TBXAS1: variants seen among roughly 807,000 people sequenced by gnomAD.
TBXAS1 encodes the protein thromboxane A synthase 1.
TBXAS1 carries 48 observed loss-of-function variants against 60.7 expected under a neutral mutation model. That is an observed-to-expected ratio of 0.79 (90% confidence interval 0.63 to 1.01). The LOEUF (loss-of-function observed/expected upper bound fraction) is 1.01. Ranked by LOEUF, TBXAS1 falls within the 50% of genes least tolerant of loss-of-function variation. The pLI is 0.00. For missense variants in TBXAS1, 685 were observed against 686.3 expected (o/e 1.00, Z 0.02); for synonymous variants, 287 against 269.7 (o/e 1.06, Z -0.63).
Position 140,008,519 on chromosome 7 carries a change from C to T in TBXAS1, c.1226+1337C>T, listed in dbSNP as rs139230791. Among the ~76,000 whole-genome samples the T allele has an allele frequency of 3.3e-3, 476 of 146,456 alleles. 3 individuals carry two copies. The highest frequency in any genetic ancestry group is 0.012 in the African/African-American group (456 of 39,538). Reference sequence around the variant, plus strand: ...CTGGAGGGCAATGGTGTGATCTTGGCTCACTGAAACTTCTGCCTCTTGGGT... The same window carrying T: ...CTGGAGGGCAATGGTGTGATCTTGGTTCACTGAAACTTCTGCCTCTTGGGT... On this transcript the variant is annotated intron_variant, in intron 10 of 12. Transcript: ENST00000448866.
At chr7:139,951,580 A>C (rs1263935845) in intron 5 of TBXAS1, among the ~76,000 whole-genome samples, 4 of 98,154 alleles carry the variant, frequency 4.1e-5, no homozygotes, top group Non-Finnish European at 1.9e-5. Flanking sequence ...ACATGGTGGA[A>C]TCCCGTCTCT....
intron 3 of TBXAS1, among the ~76,000 whole-genome samples, chr7:139,904,441 T>C (rs1804815505): frequency 2.0e-5 from 3 of 151,090 alleles, no homozygotes; most frequent in African/African-American, 7.4e-5. Flanking sequence ...TCTTTTTTGG[T>C]TCCATATGCA....
At chr7:139,782,805 C>G (rs531291841) in intron 3 of TBXAS1, 135 of 152,292 alleles carry the variant, frequency 8.9e-4, no homozygotes, top group African/African-American at 3.1e-3. Flanking sequence ...CTATTTTCCT[C>G]TCTTTCTGAC....
intron 3 of TBXAS1, among the ~76,000 whole-genome samples, chr7:139,889,692 A>G (rs1328327401): frequency 6.6e-6 from 1 of 152,086 alleles, no homozygotes; most frequent in Admixed American, 6.5e-5. Context: ...TTCTCACTGC[A>G]CCCTCCCGTG....
In TBXAS1 at chr7:140,008,517, G is replaced by T. The variant is rs565152028; in HGVS notation, c.1226+1335G>T. On this transcript the variant is annotated intron_variant, in intron 10 of 12. Transcript: ENST00000448866. ...GGCTGGAGGGCAATGGTGTGATCTT[G>T]GCTCACTGAAACTTCTGCCTCTTGG... 3.5e-5 allele frequency among the ~76,000 whole-genome samples: 5 copies of T among 142,150 alleles called. No individual in the cohort carries two copies. The East Asian group carries it at 8.5e-4, about 24-fold the overall frequency. 93.3% of individuals were successfully genotyped at this position (142,150 alleles called of 152,430 possible).
At chr7:139,953,581 C>A in intron 6 of TBXAS1, 125 bp downstream of exon 6, 1 of 868,974 alleles carries the variant, frequency 1.2e-6, no homozygotes, top group Non-Finnish European at 1.9e-6. Flanking sequence ...CTCATAAAAG[C>A]ATGGATGGAC....
At chr7:139,993,394 CTG>C (rs1813064117) in intron 9 of TBXAS1, among the ~76,000 whole-genome samples, 1 of 152,212 alleles carries the variant, frequency 6.6e-6, no homozygotes, top group Non-Finnish European at 1.5e-5. Context: ...CAAGCCTACA[CTG>C]CCCAATTGTA....
chr7:139,805,682 CTTTCTTTCTTTCTTTCTTTCTTTCTT>C (rs1569492461), intron 4 of TBXAS1, among the ~76,000 whole-genome samples: 1 of 25,076 alleles, frequency 4.0e-5, no homozygotes, highest in Non-Finnish European at 6.7e-5. Context: ...TTCTTTCTTT[CTTTCTTTCTTTCTTTCTTTCTTTCTT>C]TCTTTCTCTC....
chr7:139,976,264 C>T (rs576717769), intron 9 of TBXAS1, among the ~76,000 whole-genome samples: 1 of 152,352 alleles, frequency 6.6e-6, no homozygotes, highest in Middle Eastern at 3.4e-3. Flanking sequence ...CAGCTCTTCA[C>T]TGCTGCCCAG....
chr7:139,965,859 TTTC>T (rs1810746693), intron 9 of TBXAS1, among the ~76,000 whole-genome samples: 1 of 152,002 alleles, frequency 6.6e-6, no homozygotes, highest in Non-Finnish European at 1.5e-5. Flanking sequence ...CTTTTTTTCT[TTTC>T]TTTCTTTCCT....
At chr7:139,967,297 T>A (rs1435727510) in intron 9 of TBXAS1, among the ~76,000 whole-genome samples, 1 of 152,230 alleles carries the variant, frequency 6.6e-6, no homozygotes, top group Non-Finnish European at 1.5e-5. Flanking sequence ...AGAGGGCACA[T>A]CAGCAATTCT....
At chr7:139,960,750 A>G (rs6965495) in intron 8 of TBXAS1, among the ~76,000 whole-genome samples, 3,871 of 151,404 alleles carry the variant, frequency 0.026, 73 homozygotes, top group Middle Eastern at 0.061. Flanking sequence ...AAAAAAAAAG[A>G]TGAAATCAGA....
At chr7:139,863,660 C>T (rs1037419285) in intron 1 of TBXAS1, among the ~76,000 whole-genome samples, 5 of 152,010 alleles carry the variant, frequency 3.3e-5, no homozygotes, top group African/African-American at 7.2e-5. Context: ...GCTTTAAATG[C>T]GTTCATTGAA....
At chr7:139,818,050 T>C (rs908127524) in intron 4 of TBXAS1, among the ~76,000 whole-genome samples, 4 of 152,198 alleles carry the variant, frequency 2.6e-5, no homozygotes, top group Admixed American at 6.5e-5. Context: ...TGGGGATACA[T>C]TGTTGAACCA....
At chr7:139,985,902 C>T (rs137973454) in intron 9 of TBXAS1, among the ~76,000 whole-genome samples, 3 of 152,344 alleles carry the variant, frequency 2.0e-5, no homozygotes, top group Non-Finnish European at 4.4e-5. Context: ...CCATCGGGGG[C>T]CTAGAACTGA....
intron 8 of TBXAS1, among the ~76,000 whole-genome samples, chr7:139,959,824 TG>T (rs1245533109): frequency 6.6e-6 from 1 of 152,250 alleles, no homozygotes; most frequent in South Asian, 2.1e-4. Flanking sequence ...CTGAGAGGTC[TG>T]GGGGTGCTCT....
At chr7:139,913,882 A>G (rs1035643518) in intron 4 of TBXAS1, 1 of 152,646 alleles carries the variant, frequency 6.6e-6, no homozygotes, top group Non-Finnish European at 1.5e-5. Flanking sequence ...TCCCCAATAC[A>G]AATCGTCACT....
intron 4 of TBXAS1, among the ~76,000 whole-genome samples, chr7:139,810,297 C>G (rs1234562367): frequency 2.0e-5 from 3 of 152,032 alleles, no homozygotes; most frequent in Admixed American, 1.3e-4. Flanking sequence ...TTTGGCCTTC[C>G]AAAAGGGATT....
Position 139,957,720 on chromosome 7 carries a change from A to G in TBXAS1, c.775A>G (p.Ile259Val). 1 of 1,614,074 alleles carries G rather than the reference A, an allele frequency of 6.2e-7. No individual in the cohort carries two copies. Among genetic ancestry groups the G allele is most frequent in the South Asian group, 1.1e-5 (1 of 91,066 alleles). Reference protein sequence around the residue: ...DELNGFFNKLIRNVIALRDQQ... With the variant: ...DELNGFFNKLVRNVIALRDQQ... The stretch of plus-strand genomic sequence containing the variant: ...ACTGAATGGCTTTTTTAACAAACTC[A>G]TTAGGAATGTGATTGCCTTGCGGGA... Residue 259 changes from isoleucine to valine, a missense_variant, in exon 8 of 13, where the codon ATT (isoleucine) becomes GTT (valine). By Grantham distance (29) the Ile-to-Val change is conservative. Transcript: ENST00000448866.
Sources: gnomAD v4.1 joint callset for allele counts (sites outside exome capture counted in the v4.1 genomes callset) on GRCh38, gnomAD v4.1.1 for gene constraint, MANE v1.5 for transcripts, NCBI Gene and HGNC (gene_info 2026-07-23, HGNC 2026-07-21) for gene names.